RASGEF1B: variants seen among roughly 807,000 people sequenced by gnomAD.
The protein encoded by RASGEF1B is ras-GEF domain-containing family member 1B.
Under a neutral mutation model 65.7 loss-of-function variants are expected in RASGEF1B, and 30 were observed. The ratio of observed to expected loss-of-function variants is 0.46; its 90% CI spans 0.34 to 0.62. RASGEF1B has a LOEUF of 0.62. Among genes scored for constraint, RASGEF1B ranks in the 20% least tolerant of loss-of-function variants. The pLI is 0.01. For missense variants in RASGEF1B, 495 were observed against 580.1 expected (o/e 0.85, Z 1.51); for synonymous variants, 175 against 194.8 (o/e 0.90, Z 0.85).
intron 1 of RASGEF1B, among the ~76,000 whole-genome samples, chr4:81,464,595 C>G (rs1163824050): frequency 1.3e-5 from 2 of 152,178 alleles, no homozygotes; most frequent in Non-Finnish European, 2.9e-5. Flanking sequence ...ACAAACCTCT[C>G]CCCATCACCA....
At chr4:81,440,793 A>G (rs112566178) in intron 10 of RASGEF1B, 41 bp downstream of exon 10, 7 of 1,336,626 alleles carry the variant, frequency 5.2e-6, no homozygotes, top group Middle Eastern at 1.8e-4. Context: ...CATAAAACAC[A>G]GCAACTCTAC....
intron 8 of RASGEF1B, among the ~76,000 whole-genome samples, chr4:81,442,664 A>T (rs1721881112): frequency 2.0e-5 from 3 of 152,244 alleles, no homozygotes; most frequent in African/African-American, 7.2e-5. Flanking sequence ...TCACTACAAG[A>T]CACTATCACT....
intron 1 of RASGEF1B, chr4:81,471,198 C>T (rs1723008956): frequency 6.6e-6 from 1 of 152,210 alleles, no homozygotes; most frequent in South Asian, 2.1e-4. Context: ...TCCTACGAGT[C>T]AGACTTTAGA....
chr4:81,459,456 C>A lies in RASGEF1B; in HGVS notation c.53G>T (p.Arg18Leu). 1 of 1,611,244 alleles carries A rather than the reference C, an allele frequency of 6.2e-7. No individual in the cohort carries two copies. The highest frequency in any genetic ancestry group is 1.1e-5 in the South Asian group (1 of 90,378). The part of the protein sequence containing the change: ...SAMFDSSGYN[R>L]NLYQSAEDSC... ...GTCCTCTGCAGACTGATAGAGGTTT[C>A]GATTGTAACCACTGCTGTCAAACAT... Residue 18 changes from arginine (R) to leucine (L), a missense_variant, in exon 2 of 14, where the codon CGA becomes CTA. Transcript: ENST00000264400.
intron 8 of RASGEF1B, 76 bp from the exon 9 acceptor site, chr4:81,442,452 T>C (rs1721874262): frequency 2.5e-6 from 2 of 806,854 alleles, no homozygotes; most frequent in Non-Finnish European, 4.3e-6. Flanking sequence ...AACACATACT[T>C]CTAAAATACT....
intron 8 of RASGEF1B, 45 bp downstream of exon 8, chr4:81,445,481 G>A (rs755767726): frequency 7.7e-7 from 1 of 1,294,106 alleles, no homozygotes; most frequent in Non-Finnish European, 1.1e-6. Flanking sequence ...TCATTTTACA[G>A]GATTCGTAAA....
intron 4 of RASGEF1B, chr4:81,456,054 A>T (rs573771707): frequency 6.3e-6 from 1 of 157,508 alleles, no homozygotes; most frequent in African/African-American, 2.4e-5. Context: ...AAGTCCCTCA[A>T]TAATTACTAT....
rs1420993072 is a variant in RASGEF1B at position 81,456,892 on chromosome 4, T to G, written c.301-104A>C. 3 of 1,051,260 alleles carry G rather than the reference T, an allele frequency of 2.9e-6. No individual in the cohort carries two copies. In the African/African-American group the frequency reaches 4.8e-5, roughly 17 times the overall value. The allele number at this position is 1,051,260 out of a possible 1,614,324, so 65.1% of individuals were successfully genotyped here. A position where few individuals can be genotyped will look rare whatever the true frequency, so the allele number is the denominator to read the frequency against. Reference sequence around the variant, plus strand: ...ACTGAGAAACTTCTAGTGCAAAGTCTTTAGGGATGAAGAAGAAGCTCCAGC... The same window carrying G: ...ACTGAGAAACTTCTAGTGCAAAGTCGTTAGGGATGAAGAAGAAGCTCCAGC... On this transcript the variant is annotated intron_variant, in intron 3 of 13. Transcript: ENST00000264400.
At chr4:81,437,512 T>C (rs1287662221) in intron 10 of RASGEF1B, among the ~76,000 whole-genome samples, 1 of 152,240 alleles carries the variant, frequency 6.6e-6, no homozygotes, top group Admixed American at 6.5e-5. Context: ...TTGTGCTCTA[T>C]TCTTTGGTGC....
At chr4:81,440,715 C>T (rs951676723) in intron 10 of RASGEF1B, 119 bp downstream of exon 10, 7 of 642,952 alleles carry the variant, frequency 1.1e-5, no homozygotes, top group South Asian at 2.1e-5. Context: ...TTCTAGAGTA[C>T]ACATGTCTCT....
chr4:81,470,465 C>T (rs1311867535), intron 1 of RASGEF1B, among the ~76,000 whole-genome samples: 1 of 152,148 alleles, frequency 6.6e-6, no homozygotes, highest in East Asian at 1.9e-4. Context: ...GTGACTGTGC[C>T]AGACATCATT....
At position 81,445,831 on chromosome 4, in the gene RASGEF1B, T is replaced by G; in HGVS notation, c.737A>C (p.Tyr246Ser). The change falls in exon 7 of 14, where the codon TAC becomes TCC. Residue 246 changes from tyrosine to serine, a missense_variant. Physicochemically the swap from Tyr to Ser is moderately radical, Grantham distance 144. Coordinates refer to ENST00000264400, the MANE Select transcript of RASGEF1B (RefSeq NM_152545.3). Reference protein sequence around the residue: ...KDPLDNDKSCYSERKKTRNLE... With the variant: ...KDPLDNDKSCSSERKKTRNLE... The stretch of plus-strand genomic sequence containing the variant: ...GTTTCGTGTTTTCTTCCGTTCACTG[T>G]AGCAACTCTTTAGAGAAAACAAAGT... The G allele has an allele frequency of 6.2e-7, 1 of 1,612,744 alleles. No homozygotes were observed.
chr4:81,429,965 G>C (rs985984639), intron 13 of RASGEF1B, among the ~76,000 whole-genome samples: 2 of 152,228 alleles, frequency 1.3e-5, no homozygotes, highest in Non-Finnish European at 2.9e-5. Context: ...CCCCACTCCA[G>C]TGTAAAAACA....
At chr4:81,444,742 G>A (rs1298839939) in intron 8 of RASGEF1B, among the ~76,000 whole-genome samples, 3 of 152,256 alleles carry the variant, frequency 2.0e-5, no homozygotes, top group East Asian at 1.9e-4. Flanking sequence ...TCACCATGTT[G>A]GCCAGGGTGG....
At position 81,427,647 on chromosome 4, in the gene RASGEF1B, G is replaced by T. The variant is rs1721272514; in HGVS notation, c.*121C>A. On this transcript the variant is annotated 3_prime_UTR_variant, in exon 14 of 14. Transcript: ENST00000264400. ...GAGCTTGTGTGCTTTGCTGACCCGG[G>T]TGCTCCAATGACTGCAGGGTCTTCA... 2 of 1,041,926 alleles carry T rather than the reference G, an allele frequency of 1.9e-6. No individual in the cohort carries two copies. Among genetic ancestry groups the T allele is most frequent in the Non-Finnish European group, 2.8e-6 (2 of 710,856 alleles). The allele number at this position is 1,041,926 out of a possible 1,614,324, so 64.5% of individuals were successfully genotyped here. A position where few individuals can be genotyped will look rare whatever the true frequency, so the allele number is the denominator to read the frequency against.
intron 1 of RASGEF1B, among the ~76,000 whole-genome samples, chr4:81,459,946 C>T (rs1477025141): frequency 6.6e-6 from 1 of 152,196 alleles, no homozygotes; most frequent in Non-Finnish European, 1.5e-5. Flanking sequence ...CACTGAAGAG[C>T]TATCTGAAGT....
intron 1 of RASGEF1B, among the ~76,000 whole-genome samples, chr4:81,470,106 C>G (rs931819233): frequency 6.6e-6 from 1 of 152,196 alleles, no homozygotes; most frequent in Admixed American, 6.5e-5. Context: ...AGGTCCTCCT[C>G]TCTAGCTCCA....
At chr4:81,449,554 G>A (rs1722174850) in intron 4 of RASGEF1B, among the ~76,000 whole-genome samples, 1 of 152,116 alleles carries the variant, frequency 6.6e-6, no homozygotes, top group East Asian at 1.9e-4. Context: ...TCAGAGAAAG[G>A]CACACAGGCT....
chr4:81,442,172 G>A (rs778997472), intron 9 of RASGEF1B, 125 bp downstream of exon 9: 22 of 680,484 alleles, frequency 3.2e-5, no homozygotes, highest in Non-Finnish European at 4.7e-5. Flanking sequence ...TCCTTTCCCT[G>A]GGTCTGTAAA....
Sources: allele counts gnomAD v4.1 joint callset (sites outside exome capture counted in the v4.1 genomes callset), GRCh38; gene constraint gnomAD v4.1.1; transcripts MANE v1.5; gene names NCBI Gene and HGNC (gene_info 2026-07-23, HGNC 2026-07-21).